The following FAT3 variants were observed in gnomAD, a reference collection of about 807,000 sequenced individuals.
FAT3 encodes the protein FAT atypical cadherin 3, also known as protocadherin Fat 3.
Under a neutral mutation model 310.2 loss-of-function variants are expected in FAT3, and 95 were observed. That is an observed-to-expected ratio of 0.31 (90% confidence interval 0.26 to 0.36). The LOEUF is 0.36. FAT3 is among the 10% of genes least tolerant of loss of function. FAT3 has a pLI of 1.00. For missense variants in FAT3, 5,408 were observed against 5,715.6 expected (o/e 0.95, Z 1.74); for synonymous variants, 2,314 against 2,192.9 (o/e 1.06, Z -1.54).
At chr11:92,689,741 CACATGCATGCATGCA>C (rs1943743251) in intron 3 of FAT3, among the ~76,000 whole-genome samples, 1 of 152,066 alleles carries the variant, frequency 6.6e-6, no homozygotes, top group East Asian at 1.9e-4. Context: ...TGAATGTGTG[CACATGCATGCATGCA>C]TGTGTGCATG....
In FAT3 at chr11:92,892,294, G is replaced by T. The variant is rs1591868255; in HGVS notation, c.*1181G>T. 1 of 152,140 alleles carries T rather than the reference G, an allele frequency of 6.6e-6. No homozygotes were observed. Among genetic ancestry groups the T allele is most frequent in the Non-Finnish European group, 1.5e-5 (1 of 68,046 alleles). 9.4% of individuals were successfully genotyped at this position (152,140 alleles called of 1,614,324 possible). ...GGACCATGTTGAAAATTCTGCCGGCGAGCATGGCATACCTTTCAATTTCTC... is the reference window on the plus strand; with the variant it reads ...GGACCATGTTGAAAATTCTGCCGGCTAGCATGGCATACCTTTCAATTTCTC... On this transcript the variant is annotated 3_prime_UTR_variant, in exon 28 of 28. Coordinates refer to ENST00000525166, the MANE Select transcript of FAT3 (RefSeq NM_001367949.2).
intron 4 of FAT3, among the ~76,000 whole-genome samples, chr11:92,736,875 A>G (rs750770991): frequency 1.3e-5 from 2 of 152,112 alleles, no homozygotes; most frequent in Non-Finnish European, 2.9e-5. Flanking sequence ...GTAAAAAGAG[A>G]TATGATCCTC....
intron 1 of FAT3, among the ~76,000 whole-genome samples, chr11:92,309,087 G>A (rs1947219492): frequency 6.6e-6 from 1 of 152,044 alleles, no homozygotes. Flanking sequence ...GCTGATTACT[G>A]GTGATTTGGC....
At chr11:92,509,647 A>G (rs1953227235) in intron 2 of FAT3, among the ~76,000 whole-genome samples, 1 of 152,196 alleles carries the variant, frequency 6.6e-6, no homozygotes. Flanking sequence ...GGACATCACT[A>G]CAGTCATTAA....
chr11:92,262,506 G>A (rs1865597403), intron 1 of FAT3, among the ~76,000 whole-genome samples: 2 of 152,012 alleles, frequency 1.3e-5, no homozygotes, highest in Non-Finnish European at 2.9e-5. Context: ...CCTTGGCCTG[G>A]TCCCTCAGGT....
chr11:92,878,617 A>C, intron 22 of FAT3, among the ~76,000 whole-genome samples: 1 of 135,630 alleles, frequency 7.4e-6, no homozygotes, highest in East Asian at 2.5e-4. Context: ...ACAACACAGG[A>C]GCAGGATGTT....
At chr11:92,490,639 T>G (rs1952573832) in intron 2 of FAT3, among the ~76,000 whole-genome samples, 1 of 152,158 alleles carries the variant, frequency 6.6e-6, no homozygotes, top group Non-Finnish European at 1.5e-5. Flanking sequence ...CAAAGATTTT[T>G]TTTGAATTTC....
At position 92,831,797 on chromosome 11, in the gene FAT3, C is replaced by G. The variant is rs1204641197; in HGVS notation, c.9657C>G (p.Leu3219=). The G allele has an allele frequency of 6.2e-7, 1 of 1,613,544 alleles. No individual in the cohort carries two copies. ...DQSPGQSLSS[L]TTVTITVLDI... ...GTCCTGGACAGTCCCTGTCCTCTCT[C>G]ACTACTGTCACCATCACCGTTCTGG... Residue 3219 remains leucine (L), a synonymous_variant, in exon 14 of 28, where the codon CTC becomes CTG. Transcript: ENST00000525166.
At chr11:92,671,588 C>T (rs1485437887) in intron 3 of FAT3, among the ~76,000 whole-genome samples, 3 of 152,024 alleles carry the variant, frequency 2.0e-5, no homozygotes, top group Admixed American at 6.6e-5. Context: ...AAGTTTGGTC[C>T]TCTCATCCTT....
Position 92,799,133 on chromosome 11 carries a change from C to G in FAT3, c.6120C>G (p.Val2040=), listed in dbSNP as rs542683350. The change falls in exon 10 of 28, where the codon GTC becomes GTG. Residue 2040 remains valine (V), a synonymous_variant. Coordinates refer to ENST00000525166, the MANE Select transcript of FAT3 (RefSeq NM_001367949.2). The part of the protein sequence containing the change: ...STSGVIQTTG[V]PFDREEQELY... Reference sequence around the variant, plus strand: ...CAGGGGTCATTCAGACGACTGGAGTCCCCTTTGACCGTGAAGAACAAGAGT... The same window carrying G: ...CAGGGGTCATTCAGACGACTGGAGTGCCCTTTGACCGTGAAGAACAAGAGT... 4 of 1,613,904 alleles carry G rather than the reference C, an allele frequency of 2.5e-6. No homozygotes were observed. The African/African-American group carries it at 4.0e-5, about 16-fold the overall frequency.
Position 92,887,006 on chromosome 11 carries a change from G to A in FAT3, c.12944G>A (p.Gly4315Glu), listed in dbSNP as rs1170635370. ...NGWDAGTENKGVDDPGEVTCF... is the reference protein window; with the variant it reads ...NGWDAGTENKEVDDPGEVTCF... ...TCTTTCACTGTCCATGAAGACAAAG[G>A]GGTTGATGACCCGGGAGAAGTGACC... The change falls in exon 25 of 28, where the codon GGG becomes GAG. Residue 4315 changes from glycine to glutamate, a missense_variant. Physicochemically the swap from Gly to Glu is moderately conservative, Grantham distance 98. This residue lies in a region of FAT3 where 649 missense variants were observed against 666.2 expected (regional missense o/e 0.97). Coordinates refer to ENST00000525166, the MANE Select transcript of FAT3 (RefSeq NM_001367949.2). 2 of 1,602,956 alleles carry A rather than the reference G, an allele frequency of 1.2e-6. No homozygotes were observed. The highest frequency in any genetic ancestry group is 2.3e-5 in the South Asian group (2 of 88,228).
At chr11:92,806,038 AT>A (rs1329353324) in intron 11 of FAT3, among the ~76,000 whole-genome samples, 1 of 152,192 alleles carries the variant, frequency 6.6e-6, no homozygotes, top group Non-Finnish European at 1.5e-5. Flanking sequence ...ACAGACAGCC[AT>A]GGTCAATGTG....
chr11:92,391,501 G>T (rs1949748406), intron 2 of FAT3, among the ~76,000 whole-genome samples: 1 of 152,116 alleles, frequency 6.6e-6, no homozygotes, highest in African/African-American at 2.4e-5. Context: ...TAGTTCCTAG[G>T]TCTGTACTTT....
In FAT3 at chr11:92,239,051, G is replaced by A. The variant is rs573439270; in HGVS notation, c.-18+13877G>A. 1.2e-4 allele frequency among the ~76,000 whole-genome samples: 19 copies of A among 152,172 alleles called. No individual in the cohort carries two copies. The South Asian group carries it at 3.7e-3, about 30-fold the overall frequency. ...ATTTATCCCCCAACAACTCTATGAGGCAAATACTATTATTATCTCTACCAA... is the reference window on the plus strand; with the variant it reads ...ATTTATCCCCCAACAACTCTATGAGACAAATACTATTATTATCTCTACCAA... On this transcript the variant is annotated intron_variant, in intron 1 of 27. Coordinates refer to ENST00000525166, the MANE Select transcript of FAT3 (RefSeq NM_001367949.2).
At chr11:92,744,113 T>A (rs962292628) in intron 4 of FAT3, among the ~76,000 whole-genome samples, 6 of 152,238 alleles carry the variant, frequency 3.9e-5, no homozygotes, top group African/African-American at 1.4e-4. Context: ...AGTCAATGAC[T>A]GATGAGATGT....
At chr11:92,562,524 G>A (rs975543753) in intron 3 of FAT3, among the ~76,000 whole-genome samples, 1 of 152,156 alleles carries the variant, frequency 6.6e-6, no homozygotes, top group Non-Finnish European at 1.5e-5. Context: ...GAAACAGAAT[G>A]AATAGTATAT....
At chr11:92,596,537 A>G (rs1939716529) in intron 3 of FAT3, among the ~76,000 whole-genome samples, 1 of 152,158 alleles carries the variant, frequency 6.6e-6, no homozygotes. Context: ...CTCTCTGTTG[A>G]CCATCTCATG....
Position 92,806,350 on chromosome 11 carries a change from AC to A in FAT3, c.9094-10del. 1 of 1,591,438 alleles carries A rather than the reference AC, an allele frequency of 6.3e-7. No homozygotes were observed. Among genetic ancestry groups the A allele is most frequent in the Non-Finnish European group, 8.6e-7 (1 of 1,168,480 alleles). On this transcript the variant is annotated splice_polypyrimidine_tract_variant and intron_variant, in intron 11 of 27. Transcript: ENST00000525166. ...ACTAATGATTTTATTACCTTTCTTCACCTTTGTCCAGGTTGCATATACAGCA... is the reference window on the plus strand; with the variant it reads ...ACTAATGATTTTATTACCTTTCTTCACTTTGTCCAGGTTGCATATACAGCA...
At chr11:92,707,948 G>T (rs999256578) in intron 4 of FAT3, among the ~76,000 whole-genome samples, 1 of 152,126 alleles carries the variant, frequency 6.6e-6, no homozygotes, top group Non-Finnish European at 1.5e-5. Context: ...AACTACTTTG[G>T]CATGCTTCCT....
Sources: allele counts gnomAD v4.1 joint callset (sites outside exome capture counted in the v4.1 genomes callset), GRCh38; gene constraint gnomAD v4.1.1; regional missense constraint gnomAD v4.1.1; transcripts MANE v1.5; gene names NCBI Gene and HGNC (gene_info 2026-07-23, HGNC 2026-07-21).